SORCS2: variants seen among roughly 807,000 people sequenced by gnomAD.
The protein encoded by SORCS2 is sortilin related VPS10 domain containing receptor 2.
Under a neutral mutation model 141.6 loss-of-function variants are expected in SORCS2, and 100 were observed. The observed-to-expected ratio is 0.71, with a 90% CI of 0.60 to 0.83. The LOEUF (loss-of-function observed/expected upper bound fraction) is 0.83. Among genes scored for constraint, SORCS2 ranks in the 40% least tolerant of loss-of-function variants. SORCS2 has a pLI of 0.00. For missense variants in SORCS2, 1,646 were observed against 1,560.2 expected (o/e 1.05, Z -0.93); for synonymous variants, 789 against 676.9 (o/e 1.17, Z -2.57).
At chr4:7,435,189 A>C (rs1181707268) in intron 2 of SORCS2, among the ~76,000 whole-genome samples, 1 of 149,790 alleles carries the variant, frequency 6.7e-6, no homozygotes, top group Non-Finnish European at 1.5e-5. Context: ...TGTGTCCCCC[A>C]CCCTCCCCCT....
intron 9 of SORCS2, among the ~76,000 whole-genome samples, chr4:7,681,099 T>C (rs945823340): frequency 9.9e-5 from 15 of 152,202 alleles, no homozygotes; most frequent in African/African-American, 3.1e-4. Flanking sequence ...TTTGGAAACC[T>C]TGATGGGGTG....
intron 4 of SORCS2, among the ~76,000 whole-genome samples, chr4:7,640,246 ATGTGAG>A (rs1560448168): frequency 8.0e-6 from 1 of 124,416 alleles, no homozygotes; most frequent in African/African-American, 3.1e-5. Context: ...GTGAGAACCT[ATGTGAG>A]TGTGTATGTA....
intron 1 of SORCS2, among the ~76,000 whole-genome samples, chr4:7,349,135 C>T (rs564458662): frequency 1.3e-5 from 2 of 152,248 alleles, no homozygotes; most frequent in South Asian, 2.1e-4. Flanking sequence ...CATACTTCAT[C>T]ATTGCGCAAG....
At chr4:7,434,240 C>T in intron 2 of SORCS2, 1 of 1,613,594 alleles carries the variant, frequency 6.2e-7, no homozygotes, top group Non-Finnish European at 8.5e-7. Context: ...CCCAAGGACT[C>T]ACACTGCTCC....
chr4:7,509,868 C>T (rs1732509617), intron 2 of SORCS2, among the ~76,000 whole-genome samples: 2 of 152,224 alleles, frequency 1.3e-5, no homozygotes, highest in African/African-American at 4.8e-5. Flanking sequence ...GGGGTGGCCC[C>T]TTTGCCCCAG....
At chr4:7,708,220 G>A (rs1377674249) in intron 14 of SORCS2, among the ~76,000 whole-genome samples, 4 of 152,336 alleles carry the variant, frequency 2.6e-5, no homozygotes, top group Non-Finnish European at 4.4e-5. Flanking sequence ...CCTGGGTGAT[G>A]AGCAAGAAAT....
chr4:7,670,793 G>A (rs530788626), intron 8 of SORCS2, among the ~76,000 whole-genome samples: 5 of 152,152 alleles, frequency 3.3e-5, no homozygotes, highest in African/African-American at 1.2e-4. Context: ...AGAGCAGCGT[G>A]CACAGAGCTT....
chr4:7,209,123 T>C (rs1019436198), intron 1 of SORCS2, among the ~76,000 whole-genome samples: 3 of 152,244 alleles, frequency 2.0e-5, no homozygotes, highest in African/African-American at 7.2e-5. Flanking sequence ...GAAAGGACAC[T>C]GAACTGGCCT....
chr4:7,676,718 C>T (rs1024687434), intron 9 of SORCS2, among the ~76,000 whole-genome samples: 1 of 150,996 alleles, frequency 6.6e-6, no homozygotes, highest in Non-Finnish European at 1.5e-5. Context: ...ATCTGCCTTT[C>T]TCTCTCTCTC....
intron 2 of SORCS2, chr4:7,433,354 A>G (rs1362943165): frequency 1.4e-6 from 2 of 1,436,442 alleles, no homozygotes; most frequent in Non-Finnish European, 1.8e-6. Context: ...CTCTTTCCAT[A>G]CATGCTTCTG....
intron 2 of SORCS2, among the ~76,000 whole-genome samples, chr4:7,400,906 G>A (rs531349550): frequency 6.6e-6 from 1 of 151,282 alleles, no homozygotes; most frequent in East Asian, 2.0e-4. Context: ...TGGACATATG[G>A]ATGGATAGAT....
chr4:7,637,648 T>C (rs1720351159), intron 3 of SORCS2, among the ~76,000 whole-genome samples: 1 of 152,136 alleles, frequency 6.6e-6, no homozygotes, highest in Non-Finnish European at 1.5e-5. Flanking sequence ...AGCTGCCATT[T>C]CTGCAGCACC....
chr4:7,726,251 A>G (rs1727212574), intron 20 of SORCS2, among the ~76,000 whole-genome samples: 1 of 152,204 alleles, frequency 6.6e-6, no homozygotes, highest in African/African-American at 2.4e-5. Flanking sequence ...CAGCCACATC[A>G]GGCCTCCTAA....
At chr4:7,681,007 A>G (rs79654416) in intron 9 of SORCS2, among the ~76,000 whole-genome samples, 9,149 of 152,334 alleles carry the variant, frequency 0.06, 403 homozygotes, top group African/African-American at 0.11. Context: ...GATGACTCAG[A>G]TGATAAGGTT....
rs1253038564 is a variant in SORCS2 at position 7,729,599 on chromosome 4, C to T, written c.2995C>T (p.Pro999Ser). ...ACTCTCCCCGCAGGAGACCAGCGTC[C>T]CTCAGGAGCTTCTGGTGACTGTGGT... ...TRLLSKETSV[P>S]QELLVTVVKP... Residue 999 changes from proline (P) to serine (S), a missense_variant, in exon 23 of 27, where the codon CCT (proline) becomes TCT (serine). Transcript: ENST00000507866. 4 of 1,586,176 alleles carry T rather than the reference C, an allele frequency of 2.5e-6. No individual in the cohort carries two copies. Among genetic ancestry groups the T allele is most frequent in the Non-Finnish European group, 3.4e-6 (4 of 1,166,486 alleles).
At chr4:7,387,644 T>C (rs1278959580) in intron 1 of SORCS2, among the ~76,000 whole-genome samples, 9 of 86,452 alleles carry the variant, frequency 1.0e-4, no homozygotes, top group Non-Finnish European at 1.4e-4. Flanking sequence ...CGCACACACA[T>C]GCCCACCATA....
At chr4:7,578,293 G>A (rs186998079) in intron 3 of SORCS2, among the ~76,000 whole-genome samples, 12 of 152,288 alleles carry the variant, frequency 7.9e-5, no homozygotes, top group Admixed American at 7.2e-4. Flanking sequence ...CCATAATCAT[G>A]AGCCAAATAA....
chr4:7,412,160 C>T (rs759230064), intron 2 of SORCS2, among the ~76,000 whole-genome samples: 54 of 152,304 alleles, frequency 3.5e-4, no homozygotes, highest in Admixed American at 1.2e-3. Flanking sequence ...AGGAGCTGCC[C>T]GGAGTGTGTC....
chr4:7,557,917 A>G (rs1388347279), intron 3 of SORCS2, among the ~76,000 whole-genome samples: 2 of 152,256 alleles, frequency 1.3e-5, no homozygotes, highest in Non-Finnish European at 2.9e-5. Context: ...CCTGCTTCGC[A>G]GATGAAGAAA....
Sources: allele counts gnomAD v4.1 joint callset (sites outside exome capture counted in the v4.1 genomes callset), GRCh38; gene constraint gnomAD v4.1.1; transcripts MANE v1.5; gene names NCBI Gene and HGNC (gene_info 2026-07-23, HGNC 2026-07-21).